Variants in FRMD5 observed in about 807,000 individuals in gnomAD.
The protein encoded by FRMD5 is FERM domain-containing protein 5.
A neutral mutation model predicts 69.0 loss-of-function variants in FRMD5; 20 were observed. The ratio of observed to expected loss-of-function variants is 0.29; its 90% confidence interval spans 0.20 to 0.42. FRMD5 has a LOEUF of 0.42. FRMD5 is among the 10% of genes least tolerant of loss of function. The pLI is 1.00. For missense variants in FRMD5, 595 were observed against 708.6 expected (o/e 0.84, Z 1.82); for synonymous variants, 271 against 260.1 (o/e 1.04, Z -0.40).
intron 1 of FRMD5, among the ~76,000 whole-genome samples, chr15:44,047,033 G>C (rs1892456169): frequency 6.6e-6 from 1 of 152,144 alleles, no homozygotes; most frequent in South Asian, 2.1e-4. Flanking sequence ...AAGGCCAGGC[G>C]CAGTGGCTCA....
At chr15:44,115,843 C>G (rs971837892) in intron 1 of FRMD5, among the ~76,000 whole-genome samples, 4 of 152,118 alleles carry the variant, frequency 2.6e-5, no homozygotes, top group Non-Finnish European at 5.9e-5. Flanking sequence ...CAGCTGCAAA[C>G]GTAGAGTCAA....
intron 1 of FRMD5, among the ~76,000 whole-genome samples, chr15:43,961,351 C>G (rs2090197226): frequency 6.6e-6 from 1 of 152,042 alleles, no homozygotes; most frequent in South Asian, 2.1e-4. Context: ...AAGACTAAAC[C>G]AGGAAGAAGT....
rs55839205 is a variant in FRMD5, at chr15:44,005,471, C to CA, written c.103-81163dup. Among the ~76,000 whole-genome samples the CA allele has an allele frequency of 3.1e-3, 212 of 69,418 alleles. 3 individuals carry two copies. Among genetic ancestry groups the CA allele is most frequent in the African/African-American group, 9.1e-3 (180 of 19,838 alleles). 45.5% of individuals were successfully genotyped at this position (69,418 alleles called of 152,430 possible). ...GGGCAAAAAGAGTGAAACTCCATCT[C>CA]AAAAAAAAAAAAAAAAAAAAAAGAA... is the stretch of plus-strand genomic sequence containing the variant. On this transcript the variant is annotated intron_variant, in intron 1 of 13. Transcript: ENST00000417257.
chr15:44,029,454 T>G (rs1891583450), intron 1 of FRMD5, among the ~76,000 whole-genome samples: 1 of 152,240 alleles, frequency 6.6e-6, no homozygotes, highest in Admixed American at 6.5e-5. Context: ...AGCAGCAACT[T>G]TATTTTACCT....
At chr15:43,890,993 C>T (rs2088780589) in intron 8 of FRMD5, among the ~76,000 whole-genome samples, 1 of 152,172 alleles carries the variant, frequency 6.6e-6, no homozygotes, top group Admixed American at 6.5e-5. Context: ...TCCTCATGAG[C>T]TCTCCTGGAG....
chr15:44,065,473 C>A (rs1299074502), intron 1 of FRMD5, among the ~76,000 whole-genome samples: 4 of 152,152 alleles, frequency 2.6e-5, no homozygotes, highest in South Asian at 2.1e-4. Context: ...CCAACCCAAA[C>A]AGGTAAATAT....
rs1353541216 is a variant in FRMD5 at position 43,876,291 on chromosome 15, C to T, written c.1136-1829G>A. The T allele has an allele frequency of 1.7e-5, 21 of 1,270,562 alleles. 1 individual carries two copies. The highest frequency in any genetic ancestry group is 2.5e-4 in the Middle Eastern group (1 of 3,928). 78.7% of individuals were successfully genotyped at this position (1,270,562 alleles called of 1,614,324 possible). ...TCTGAACTCTGGGCCTGGTTTTTAC[C>T]CCAGTTTGAAAGAATCTGAATTCCA... On this transcript the variant is annotated intron_variant, in intron 13 of 13. Transcript: ENST00000417257.
At chr15:43,904,829 G>A (rs2089131323) in intron 6 of FRMD5, among the ~76,000 whole-genome samples, 1 of 152,166 alleles carries the variant, frequency 6.6e-6, no homozygotes, top group East Asian at 1.9e-4. Context: ...CTGCATTAAT[G>A]CTGTTTTATG....
At chr15:43,876,865 G>A (rs151114353) in intron 13 of FRMD5, among the ~76,000 whole-genome samples, 1 of 152,176 alleles carries the variant, frequency 6.6e-6, no homozygotes, top group Non-Finnish European at 1.5e-5. Context: ...AGTTTGAGAA[G>A]ATCTTGTTGC....
intron 1 of FRMD5, among the ~76,000 whole-genome samples, chr15:44,166,101 T>C (rs1246450683): frequency 6.6e-6 from 1 of 152,218 alleles, no homozygotes; most frequent in African/African-American, 2.4e-5. Context: ...CTTATCATTA[T>C]TTTTTAGTTC....
chr15:44,031,587 T>A (rs1020606408), intron 1 of FRMD5, among the ~76,000 whole-genome samples: 1 of 152,106 alleles, frequency 6.6e-6, no homozygotes, highest in Non-Finnish European at 1.5e-5. Flanking sequence ...GAGTACTCTA[T>A]CCTCATGACC....
At chr15:44,026,392 G>A (rs1016819567) in intron 1 of FRMD5, among the ~76,000 whole-genome samples, 1 of 152,162 alleles carries the variant, frequency 6.6e-6, no homozygotes, top group African/African-American at 2.4e-5. Flanking sequence ...AATAGCATTT[G>A]ACTGTATTAA....
intron 1 of FRMD5, among the ~76,000 whole-genome samples, chr15:44,160,116 G>A (rs374947237): frequency 6.6e-6 from 1 of 152,258 alleles, no homozygotes; most frequent in African/African-American, 2.4e-5. Flanking sequence ...CACTTTGGGA[G>A]GCTGAGGTGG....
At chr15:44,028,342 T>C (rs887896775) in intron 1 of FRMD5, among the ~76,000 whole-genome samples, 8 of 152,296 alleles carry the variant, frequency 5.3e-5, no homozygotes, top group African/African-American at 7.2e-5. Context: ...TTCCAGACTA[T>C]GCGAGATGGA....
chr15:43,983,859 C>T (rs936377020), intron 1 of FRMD5, among the ~76,000 whole-genome samples: 3 of 152,144 alleles, frequency 2.0e-5, no homozygotes, highest in Non-Finnish European at 2.9e-5. Flanking sequence ...TAGTGAGAGG[C>T]CAGGGTCCCA....
rs139260069 is a variant in FRMD5 at position 44,034,176 on chromosome 15, C to T, written c.103-109867G>A. ...ATCTCAATTTTTGATAATCAAAAGT[C>T]AATGAAAAATATGCTCCTTAGGCAG... On this transcript the variant is annotated intron_variant, in intron 1 of 13. Coordinates refer to ENST00000417257, the MANE Select transcript of FRMD5 (RefSeq NM_032892.5). 6.5e-3 allele frequency among the ~76,000 whole-genome samples: 983 copies of T among 152,228 alleles called. 12 individuals carry two copies. The highest frequency in any genetic ancestry group is 0.022 in the African/African-American group (934 of 41,540).
rs1283303927 is a variant in FRMD5 at position 44,195,261 on chromosome 15, C to G, written c.-207G>C. On this transcript the variant is annotated 5_prime_UTR_variant, in exon 1 of 14. Coordinates refer to ENST00000417257, the MANE Select transcript of FRMD5 (RefSeq NM_032892.5). ...CCGCCTCCCCCCAGCCCAGATCAAGCGCCGGGCTCTGTCTCCTCGGCGCCC... is the reference window on the plus strand; with the variant it reads ...CCGCCTCCCCCCAGCCCAGATCAAGGGCCGGGCTCTGTCTCCTCGGCGCCC... 3.8e-6 allele frequency: 2 copies of G among 528,248 alleles called. No individual in the cohort carries two copies. Among genetic ancestry groups the G allele is most frequent in the Non-Finnish European group, 6.6e-6 (2 of 302,056 alleles). 32.7% of individuals were successfully genotyped at this position (528,248 alleles called of 1,614,324 possible).
chr15:43,904,294 C>A (rs147219727), intron 6 of FRMD5, among the ~76,000 whole-genome samples: 5 of 152,144 alleles, frequency 3.3e-5, no homozygotes, highest in African/African-American at 1.2e-4. Flanking sequence ...AGTCTTTCCT[C>A]GGAACAGTAG....
chr15:44,021,237 G>A lies in FRMD5; in HGVS notation c.103-96928C>T, dbSNP rs547241070. 3.1e-3 allele frequency among the ~76,000 whole-genome samples: 465 copies of A among 152,268 alleles called. 3 individuals are homozygous for A. The highest frequency in any genetic ancestry group is 4.8e-3 in the Non-Finnish European group (328 of 68,022). ...GGAGGCAGATGTTGCAGTGAGCTGA[G>A]ATTGCAACACTGCACACCAGCCTGG... On this transcript the variant is annotated intron_variant, in intron 1 of 13. Transcript: ENST00000417257.
Sources: allele counts gnomAD v4.1 joint callset (sites outside exome capture counted in the v4.1 genomes callset), GRCh38; gene constraint gnomAD v4.1.1; transcripts MANE v1.5; gene names NCBI Gene and HGNC (gene_info 2026-07-23, HGNC 2026-07-21).